DTNBP1: variants seen among roughly 807,000 people sequenced by gnomAD.
The protein encoded by DTNBP1 is dysbindin.
DTNBP1 carries 35 observed loss-of-function variants against 42.8 expected under a neutral mutation model. That is an observed-to-expected ratio of 0.82 (90% CI 0.63 to 1.09). The LOEUF (loss-of-function observed/expected upper bound fraction) is 1.09, where lower values mean the gene tolerates loss of function less well. Ranked by LOEUF, DTNBP1 falls within the 50% of genes least tolerant of loss-of-function variation. The probability of loss-of-function intolerance (pLI) is 0.00; values close to 1 mark genes in which losing one functional copy is unlikely to be tolerated. For missense variants in DTNBP1, 457 were observed against 424.2 expected, an observed-to-expected ratio of 1.08 and a Z score of -0.68; for synonymous variants, 171 against 162.2, an observed-to-expected ratio of 1.05 and a Z score of -0.41.
chr6:15,552,114 T>C (rs957276527), intron 7 of DTNBP1, among the ~76,000 whole-genome samples: 1 of 152,186 alleles, frequency 6.6e-6, no homozygotes, highest in South Asian at 2.1e-4. Context: ...GACATCAGAC[T>C]GGTCCATGGA....
At chr6:15,610,489 T>C (rs1275123852) in intron 6 of DTNBP1, among the ~76,000 whole-genome samples, 4 of 152,182 alleles carry the variant, frequency 2.6e-5, no homozygotes, top group Non-Finnish European at 5.9e-5. Flanking sequence ...AAGAGTCTTA[T>C]ATCTCTCACT....
intron 3 of DTNBP1, among the ~76,000 whole-genome samples, chr6:15,638,746 T>C (rs1760170508): frequency 6.6e-6 from 1 of 152,078 alleles, no homozygotes; most frequent in Non-Finnish European, 1.5e-5. Context: ...ACTCTTCTGG[T>C]ATTCTTACCA....
At chr6:15,658,506 T>C (rs1282337989) in intron 1 of DTNBP1, among the ~76,000 whole-genome samples, 1 of 152,110 alleles carries the variant, frequency 6.6e-6, no homozygotes, top group Non-Finnish European at 1.5e-5. Context: ...AAACACCCTC[T>C]AGCTGCAACA....
At chr6:15,619,467 A>G (rs1403509521) in intron 5 of DTNBP1, among the ~76,000 whole-genome samples, 2 of 152,218 alleles carry the variant, frequency 1.3e-5, no homozygotes, top group Non-Finnish European at 2.9e-5. Flanking sequence ...AAAATATTAC[A>G]AAGTACTCAA....
At chr6:15,591,753 C>A (rs1776307936) in intron 7 of DTNBP1, among the ~76,000 whole-genome samples, 1 of 152,184 alleles carries the variant, frequency 6.6e-6, no homozygotes, top group African/African-American at 2.4e-5. Context: ...TTTACATAAT[C>A]TGTGTCCCTG....
chr6:15,524,523 T>C lies in DTNBP1; in HGVS notation c.811+3A>G. Reference sequence around the variant, plus strand: ...TCAGCTAATGCAAGTTTGTCAACCCTACCTAAGGCGGGGGACAGCACAGTG... The same window carrying C: ...TCAGCTAATGCAAGTTTGTCAACCCCACCTAAGGCGGGGGACAGCACAGTG... On this transcript the variant is annotated splice_donor_region_variant and intron_variant, in intron 9 of 9. Transcript: ENST00000344537. 1 of 1,607,706 alleles carries C rather than the reference T, an allele frequency of 6.2e-7. No individual in the cohort carries two copies. The highest frequency in any genetic ancestry group is 1.1e-5 in the South Asian group (1 of 90,438).
At chr6:15,658,518 T>C (rs1761410791) in intron 1 of DTNBP1, among the ~76,000 whole-genome samples, 1 of 152,090 alleles carries the variant, frequency 6.6e-6, no homozygotes, top group South Asian at 2.1e-4. Context: ...GCTGCAACAA[T>C]AGCAGGTTTT....
chr6:15,535,168 TAA>T (rs1246283701), intron 7 of DTNBP1, among the ~76,000 whole-genome samples: 3 of 152,160 alleles, frequency 2.0e-5, no homozygotes, highest in African/African-American at 7.2e-5. Flanking sequence ...GATGGTTGTG[TAA>T]GTGTCTGACA....
rs374369706 is a variant in DTNBP1 at position 15,554,885 on chromosome 6, CTT to C, written c.512-21492_512-21491del. On this transcript the variant is annotated intron_variant, in intron 7 of 9. Coordinates refer to ENST00000344537, the MANE Select transcript of DTNBP1 (RefSeq NM_032122.5). Reference sequence around the variant, plus strand: ...CGAACCATTCCGTGGTCGGTGGTCTCTTATGGGAAAAAATGCTGGTCAGTTAT... The same window carrying C: ...CGAACCATTCCGTGGTCGGTGGTCTCATGGGAAAAAATGCTGGTCAGTTAT... 3.4e-3 allele frequency among the ~76,000 whole-genome samples: 519 copies of C among 152,026 alleles called. 4 individuals carry two copies. The highest frequency in any genetic ancestry group is 0.012 in the African/African-American group (500 of 41,468).
chr6:15,533,156 C>T, intron 8 of DTNBP1, 84 bp downstream of exon 8: 2 of 1,592,186 alleles, frequency 1.3e-6, no homozygotes, highest in South Asian at 2.2e-5. Context: ...GATTCTGCCC[C>T]ATGCCCTGCT....
chr6:15,659,518 C>T (rs1470136899), intron 1 of DTNBP1, among the ~76,000 whole-genome samples: 1 of 151,024 alleles, frequency 6.6e-6, no homozygotes, highest in Non-Finnish European at 1.5e-5. Flanking sequence ...CATGTTTTTT[C>T]ATTTTTTCTT....
rs1438989549 is a variant in DTNBP1, at chr6:15,602,107, C to T, written c.489-9026G>A. Among the ~76,000 whole-genome samples the T allele has an allele frequency of 4.6e-5, 7 of 152,208 alleles. No homozygotes were observed. In the East Asian group the frequency reaches 1.2e-3, roughly 25 times the overall value. On this transcript the variant is annotated intron_variant, in intron 6 of 9. Transcript: ENST00000344537. ...AAACAAAACAAAACAAAACAAAAAACTATCTCCAGTAGCAATTGTTTCAAT... is the reference window on the plus strand; with the variant it reads ...AAACAAAACAAAACAAAACAAAAAATTATCTCCAGTAGCAATTGTTTCAAT...
At chr6:15,565,897 G>C (rs1775050288) in intron 7 of DTNBP1, among the ~76,000 whole-genome samples, 1 of 152,200 alleles carries the variant, frequency 6.6e-6, no homozygotes, top group Admixed American at 6.5e-5. Context: ...GTTCGTGTTA[G>C]CACTTATTGT....
chr6:15,598,538 G>C (rs1490169346), intron 6 of DTNBP1, among the ~76,000 whole-genome samples: 2 of 152,138 alleles, frequency 1.3e-5, no homozygotes, highest in African/African-American at 2.4e-5. Context: ...ATGGCTGATG[G>C]ACAGAACCTA....
rs1332223382 is a variant in DTNBP1, at chr6:15,585,757, G to T, written c.511+7302C>A. 22 of 1,535,130 alleles carry T rather than the reference G, an allele frequency of 1.4e-5. No homozygotes were observed. The East Asian group carries it at 5.4e-4, about 38-fold the overall frequency. ...ACTATTTTCGGTGAGTCCTGGAGAT[G>T]ACATGGATGTGAGACCTGAAGGAGT... is the stretch of plus-strand genomic sequence containing the variant. On this transcript the variant is annotated intron_variant, in intron 7 of 9. Transcript: ENST00000344537.
At chr6:15,652,046 A>G in intron 2 of DTNBP1, 41 bp downstream of exon 2, 1 of 1,583,966 alleles carries the variant, frequency 6.3e-7, no homozygotes, top group Non-Finnish European at 8.7e-7. Flanking sequence ...GTTGTATGAA[A>G]TTTAAGTCAC....
rs567701660 is a variant in DTNBP1, at chr6:15,533,666, G to A, written c.512-271C>T. On this transcript the variant is annotated intron_variant, in intron 7 of 9. Coordinates refer to ENST00000344537, the MANE Select transcript of DTNBP1 (RefSeq NM_032122.5). ...CTGGAACGACCTTCCCACCCGCATC[G>A]CCCATTCATCAGTCACAAACAGCTG... 7.8e-5 allele frequency: 46 copies of A among 587,340 alleles called. No individual in the cohort carries two copies. The East Asian group carries it at 1.4e-3, about 18-fold the overall frequency. The allele number at this position is 587,340 out of a possible 1,614,324, so 36.4% of individuals were successfully genotyped here.
intron 6 of DTNBP1, among the ~76,000 whole-genome samples, chr6:15,603,660 C>T (rs1227765051): frequency 2.0e-5 from 3 of 152,168 alleles, no homozygotes; most frequent in Non-Finnish European, 2.9e-5. Flanking sequence ...AGTTAATTTA[C>T]TTGGAAACAG....
rs1302245669 is a variant in DTNBP1, at chr6:15,662,842, G to T, written c.28C>A (p.Leu10Met). The T allele has an allele frequency of 4.4e-6, 7 of 1,609,164 alleles. No individual in the cohort carries two copies. In the East Asian group the frequency reaches 1.6e-4, roughly 36 times the overall value. ...GAGGTGAAATCCTGCTGCACGCTCA[G>T]CAGCCGCTCGCGAAGGGTCTCCAGC... MLETLRERL[L>M]SVQQDFTSGL... is the part of the protein sequence containing the mutation. Residue 10 changes from leucine (L) to methionine (M), a missense_variant, in exon 1 of 10, where the codon CTG becomes ATG. Leu to Met is a conservative substitution (Grantham distance 15). Coordinates refer to ENST00000344537, the MANE Select transcript of DTNBP1 (RefSeq NM_032122.5).
Sources: allele counts gnomAD v4.1 joint callset (sites outside exome capture counted in the v4.1 genomes callset), GRCh38; gene constraint gnomAD v4.1.1; transcripts MANE v1.5; gene names NCBI Gene and HGNC (gene_info 2026-07-23, HGNC 2026-07-21).